TVP23C: variants seen among roughly 807,000 people sequenced by gnomAD.
The protein encoded by TVP23C is Golgi apparatus membrane protein TVP23 homolog C.
A neutral mutation model predicts 28.7 loss-of-function variants in TVP23C; 19 were observed. The observed-to-expected ratio is 0.66, with a 90% CI of 0.46 to 0.97. The LOEUF (loss-of-function observed/expected upper bound fraction) is 0.97, where lower values mean the gene tolerates loss of function less well. Ranked by LOEUF, TVP23C falls within the 50% of genes least tolerant of loss-of-function variation. The pLI, the probability that TVP23C is intolerant of heterozygous loss-of-function variation, is 0.00. For missense variants in TVP23C, 186 were observed against 241.3 expected, an observed-to-expected ratio of 0.77 and a Z score of 1.52; for synonymous variants, 68 against 81.7, an observed-to-expected ratio of 0.83 and a Z score of 0.90.
chr17:15,537,763 A>T lies in TVP23C; in HGVS notation c.*2649T>A. The T allele has an allele frequency of 7.7e-6, 8 of 1,038,350 alleles. No individual in the cohort carries two copies. Among genetic ancestry groups the T allele is most frequent in the Non-Finnish European group, 9.3e-6 (8 of 864,670 alleles). The allele number at this position is 1,038,350 out of a possible 1,614,324, so 64.3% of individuals were successfully genotyped here. The stretch of plus-strand genomic sequence containing the variant: ...TAGAGCTTTGAGACAGACTAAGAAC[A>T]TCCTCCTATGTTCTATGGATCAAAA... On this transcript the variant is annotated 3_prime_UTR_variant, in exon 6 of 6. Coordinates refer to ENST00000518321, the MANE Select transcript of TVP23C (RefSeq NM_001135036.2).
chr17:15,542,622 G>T (rs1983463849), intron 5 of TVP23C, among the ~76,000 whole-genome samples: 1 of 152,026 alleles, frequency 6.6e-6, no homozygotes, highest in Non-Finnish European at 1.5e-5. Flanking sequence ...GACTACAGGT[G>T]CCTGCCACCA....
intron 3 of TVP23C, among the ~76,000 whole-genome samples, 199 bp from the exon 4 acceptor site, chr17:15,547,347 A>C (rs1250141447): frequency 1.3e-5 from 2 of 152,160 alleles, no homozygotes; most frequent in Non-Finnish European, 2.9e-5. Flanking sequence ...ATAGGGGTAG[A>C]GGTGACAGAG....
chr17:15,538,996 G>A lies in TVP23C; in HGVS notation c.*1416C>T, dbSNP rs566542565. On this transcript the variant is annotated 3_prime_UTR_variant, in exon 6 of 6. Transcript: ENST00000518321. ...AAGAACAATAAATTTTGAGTACAGA[G>A]GGCTGGGTTTAAGATCTAGCTTTGT... 6.5e-5 allele frequency: 64 copies of A among 985,470 alleles called. No individual in the cohort carries two copies. The highest frequency in any genetic ancestry group is 8.7e-5 in the African/African-American group (5 of 57,170). 61.0% of individuals were successfully genotyped at this position (985,470 alleles called of 1,614,324 possible). A position where few individuals can be genotyped will look rare whatever the true frequency, so the allele number is the denominator to read the frequency against.
At chr17:15,533,224 A>G (rs1983018854), downstream of TVP23C, among the ~76,000 whole-genome samples, 1 of 152,260 alleles carries the variant, frequency 6.6e-6, no homozygotes, top group African/African-American at 2.4e-5. Context: ...ACTGTAATGT[A>G]ACAGAGAAAT....
At chr17:15,515,798 T>A (rs1257430481) in intron 5 of TVP23C, among the ~76,000 whole-genome samples, 1 of 152,070 alleles carries the variant, frequency 6.6e-6, no homozygotes, top group Non-Finnish European at 1.5e-5. Context: ...ATGGGCACAG[T>A]GATGGAGTTT....
At chr17:15,532,778 T>C (rs1983001100), downstream of TVP23C, among the ~76,000 whole-genome samples, 2 of 152,222 alleles carry the variant, frequency 1.3e-5, no homozygotes, top group Non-Finnish European at 2.9e-5. Context: ...TCTCTTAAAT[T>C]AATATAAGCA....
At position 15,558,866 on chromosome 17, in the gene TVP23C, A is replaced by ATT. The variant is rs564958078; in HGVS notation, c.13-3504_13-3503dup. Among the ~76,000 whole-genome samples, 590 of 133,240 alleles carry ATT rather than the reference A, an allele frequency of 4.4e-3. 31 individuals carry two copies. Among genetic ancestry groups the ATT allele is most frequent in the Admixed American group, 0.018 (233 of 12,936 alleles). 87.4% of individuals were successfully genotyped at this position (133,240 alleles called of 152,430 possible). A position where few individuals can be genotyped will look rare whatever the true frequency, so the allele number is the denominator to read the frequency against. ...TACCTAAGCTCCTGCCAGACTGGCC[A>ATT]TTTTTTTTTTTTTTTTTGACACAGG... On this transcript the variant is annotated intron_variant, in intron 1 of 5. Coordinates refer to ENST00000518321, the MANE Select transcript of TVP23C (RefSeq NM_001135036.2).
intron 5 of TVP23C, chr17:15,503,406 T>TGAGAG: frequency 1.3e-6 from 1 of 792,920 alleles, no homozygotes; most frequent in South Asian, 2.2e-5. Flanking sequence ...CCATGATATT[T>TGAGAG]CAAGAAAAGT....
intron 2 of TVP23C, among the ~76,000 whole-genome samples, chr17:15,554,586 C>T (rs150227614): frequency 0.03 from 4,495 of 152,220 alleles, 216 homozygotes; most frequent in African/African-American, 0.1. Context: ...ACATATCATA[C>T]AATTTACTTA....
intron 5 of TVP23C, among the ~76,000 whole-genome samples, chr17:15,519,487 C>A (rs1050709210): frequency 6.6e-6 from 1 of 151,452 alleles, no homozygotes; most frequent in African/African-American, 2.4e-5. Flanking sequence ...AATATACACA[C>A]ACACACACAC....
At chr17:15,502,983 G>A in exon 6 of TVP23C, 1 of 1,614,162 alleles carries the variant, frequency 6.2e-7, no homozygotes, top group Middle Eastern at 1.7e-4. Context: ...AGGCGGGCGG[G>A]CGCCATCTGT....
Position 15,557,890 on chromosome 17 carries a change from G to A in TVP23C, c.13-2526C>T, listed in dbSNP as rs914993471. On this transcript the variant is annotated intron_variant, in intron 1 of 5. Coordinates refer to ENST00000518321, the MANE Select transcript of TVP23C (RefSeq NM_001135036.2). ...TTTGAAAGGCACAGGTGGGAATACA[G>A]GAAGTTTGTCTAAGAAATGGTCAAG... is the stretch of plus-strand genomic sequence containing the variant. Among the ~76,000 whole-genome samples the A allele has an allele frequency of 2.1e-5, 3 of 142,948 alleles. 1 individual carries two copies. Among genetic ancestry groups the A allele is most frequent in the Non-Finnish European group, 4.7e-5 (3 of 64,014 alleles). The allele number at this position is 142,948 out of a possible 152,430, so 93.8% of individuals were successfully genotyped here. A position where few individuals can be genotyped will look rare whatever the true frequency, so the allele number is the denominator to read the frequency against.
At chr17:15,557,653 G>A (rs1984196181) in intron 1 of TVP23C, among the ~76,000 whole-genome samples, 1 of 143,300 alleles carries the variant, frequency 7.0e-6, no homozygotes, top group Admixed American at 7.2e-5. Context: ...ATTCAGCCAA[G>A]TGGTACAGTA....
chr17:15,542,861 G>A (rs1350728988), intron 5 of TVP23C, among the ~76,000 whole-genome samples: 1 of 152,104 alleles, frequency 6.6e-6, no homozygotes, highest in Non-Finnish European at 1.5e-5. Context: ...TTGAGCAGTA[G>A]GATATAAATA....
chr17:15,525,704 G>C (rs1378888641), intron 5 of TVP23C, among the ~76,000 whole-genome samples: 1 of 152,210 alleles, frequency 6.6e-6, no homozygotes. Flanking sequence ...ATGCACGCGT[G>C]TGCATGCGCC....
Position 15,538,520 on chromosome 17 carries a change from G to A in TVP23C, c.*1892C>T, listed in dbSNP as rs2150847109. The A allele has an allele frequency of 3.6e-6, 3 of 830,536 alleles. No individual in the cohort carries two copies. The highest frequency in any genetic ancestry group is 1.1e-4 in the South Asian group (2 of 18,272). 51.4% of individuals were successfully genotyped at this position (830,536 alleles called of 1,614,324 possible). A position where few individuals can be genotyped will look rare whatever the true frequency, so the allele number is the denominator to read the frequency against. The stretch of plus-strand genomic sequence containing the variant: ...CAGAAGAATAGTATGAACCCGGGAG[G>A]TGGAGTTTGCAGTGAGCCGAGATCG... On this transcript the variant is annotated 3_prime_UTR_variant, in exon 6 of 6. Coordinates refer to ENST00000518321, the MANE Select transcript of TVP23C (RefSeq NM_001135036.2).
intron 5 of TVP23C, chr17:15,531,238 T>C (rs1351902322): frequency 6.6e-6 from 1 of 152,230 alleles, no homozygotes; most frequent in East Asian, 1.9e-4. Flanking sequence ...CGACTGTCTT[T>C]GTCTCTGGCT....
At chr17:15,558,667 G>A (rs1423821992) in intron 1 of TVP23C, among the ~76,000 whole-genome samples, 1 of 148,016 alleles carries the variant, frequency 6.8e-6, no homozygotes, top group Non-Finnish European at 1.5e-5. Flanking sequence ...TTAAGATGGG[G>A]AAGGGATCCC....
rs113252895 is a variant in TVP23C at position 15,503,228 on chromosome 17, C to CCT, written c.466_467insAG (p.Arg156GlnfsTer11). ...ACCAGTCTGGGCAATGTGGCGAGACCGTCTCTACAAAAAATAAAATAAAAA... is the reference window on the plus strand; with the variant it reads ...ACCAGTCTGGGCAATGTGGCGAGACCCTGTCTCTACAAAAAATAAAATAAAAA... On this transcript the variant is annotated frameshift_variant, in exon 6 of 6. Transcript: ENST00000225576. LOFTEE classifies it low-confidence loss of function (END_TRUNC). 6,829 of 1,501,540 alleles carry CCT rather than the reference C, an allele frequency of 4.5e-3. 274 individuals are homozygous for CCT. The African/African-American group carries it at 0.082, about 18-fold the overall frequency. 93.0% of individuals were successfully genotyped at this position (1,501,540 alleles called of 1,614,324 possible). A position where few individuals can be genotyped will look rare whatever the true frequency, so the allele number is the denominator to read the frequency against.
Sources: allele counts gnomAD v4.1 joint callset (sites outside exome capture counted in the v4.1 genomes callset), GRCh38; gene constraint gnomAD v4.1.1; transcripts MANE v1.5; gene names NCBI Gene and HGNC (gene_info 2026-07-23, HGNC 2026-07-21).